Variants in ANO2 observed in about 807,000 individuals in gnomAD.
The protein encoded by ANO2 is anoctamin 2.
Under a neutral mutation model 124.2 loss-of-function variants are expected in ANO2, and 101 were observed. The ratio of observed to expected loss-of-function variants is 0.81; its 90% CI spans 0.69 to 0.96. The LOEUF (loss-of-function observed/expected upper bound fraction) is 0.96. ANO2 is among the 40% of genes least tolerant of loss of function. The pLI, the probability that ANO2 is intolerant of heterozygous loss-of-function variation, is 0.00. For synonymous variants in ANO2, 486 were observed against 482.5 expected (o/e 1.01, Z -0.09); for missense variants, 1,293 against 1,274.5 (o/e 1.01, Z -0.22).
chr12:5,943,580 G>A (rs563543884), intron 1 of ANO2, among the ~76,000 whole-genome samples: 12 of 152,142 alleles, frequency 7.9e-5, no homozygotes, highest in South Asian at 6.2e-4. Flanking sequence ...CGGGTGAGGA[G>A]GCACTAAAAT....
intron 10 of ANO2, among the ~76,000 whole-genome samples, chr12:5,783,032 C>T (rs1226924991): frequency 6.6e-6 from 1 of 152,140 alleles, no homozygotes; most frequent in Admixed American, 6.5e-5. Context: ...GGTGATGACC[C>T]ACAGTTACCT....
chr12:5,865,158 T>C (rs946048143), intron 3 of ANO2, among the ~76,000 whole-genome samples: 1 of 152,186 alleles, frequency 6.6e-6, no homozygotes, highest in African/African-American at 2.4e-5. Context: ...TAAAGAATCT[T>C]TACACTATTT....
Position 5,563,320 on chromosome 12 carries a change from G to T in ANO2, c.2976C>A (p.Gly992=). 6.2e-7 allele frequency: 1 copy of T among 1,601,224 alleles called. No homozygotes were observed. ...QSQLGSMMSS[G]SQHTNV is the part of the protein sequence containing the mutation. ...CTGCTCACACATTGGTGTGCTGAGA[G>T]CCTGACGACATCATGCTGCCCAGCT... The change falls in exon 25 of 25, where the codon GGC becomes GGA. Residue 992 remains glycine (G), a synonymous_variant. Coordinates refer to ENST00000682330, the MANE Select transcript of ANO2 (RefSeq NM_001364791.2).
At chr12:5,740,064 G>C (rs1279838119) in intron 12 of ANO2, 4 of 438,642 alleles carry the variant, frequency 9.1e-6, no homozygotes, top group Middle Eastern at 3.3e-4. Flanking sequence ...CCCACCCACG[G>C]CCCTTTGAAG....
rs1565784641 is a variant in ANO2, at chr12:5,923,267, C to CATGCACACATACACACACGCAT, written c.23-464_23-463insATGCGTGTGTGTATGTGTGCAT. Among the ~76,000 whole-genome samples, 4 of 113,172 alleles carry CATGCACACATACACACACGCAT rather than the reference C, an allele frequency of 3.5e-5. 1 individual carries two copies. Among genetic ancestry groups the CATGCACACATACACACACGCAT allele is most frequent in the African/African-American group, 3.3e-4 (4 of 12,202 alleles). The allele number at this position is 113,172 out of a possible 152,430, so 74.2% of individuals were successfully genotyped here. On this transcript the variant is annotated intron_variant, in intron 1 of 24. Transcript: ENST00000682330. ...ACGCATACACACACATACACACACA[C>CATGCACACATACACACACGCAT]ACACACACACACGCACACACACAGC...
intron 20 of ANO2, among the ~76,000 whole-genome samples, chr12:5,585,453 T>C (rs1039499005): frequency 6.6e-6 from 1 of 152,190 alleles, no homozygotes; most frequent in Non-Finnish European, 1.5e-5. Context: ...AAGGCACATT[T>C]GGCTCCGAGT....
chr12:5,775,363 C>T (rs1007295129), intron 10 of ANO2, among the ~76,000 whole-genome samples: 1 of 151,928 alleles, frequency 6.6e-6, no homozygotes, highest in African/African-American at 2.4e-5. Context: ...CACATATGCC[C>T]GTATGAGTCA....
At chr12:5,919,563 A>G (rs11063915) in intron 3 of ANO2, among the ~76,000 whole-genome samples, 51,441 of 141,184 alleles carry the variant, frequency 0.36, 11,638 homozygotes, top group East Asian at 0.78. Context: ...AGGTGCCCAA[A>G]GCAGAGAGGG....
rs577192646 is a variant in ANO2 at position 5,925,524 on chromosome 12, C to T, written c.23-2720G>A. 2.3e-4 allele frequency among the ~76,000 whole-genome samples: 35 copies of T among 152,252 alleles called. No homozygotes were observed. The highest frequency in any genetic ancestry group is 6.8e-3 in the Middle Eastern group (2 of 294). On this transcript the variant is annotated intron_variant, in intron 1 of 24. Transcript: ENST00000682330. This position sits in a 1 kb window ranked among gnomAD's most constrained non-coding sequence, Gnocchi z 4.6. Reference sequence around the variant, plus strand: ...AAGACACAAGGGAGCCACCTTCAGACGTGAGAGGAAGGCCAAGGGGAACGC... The same window carrying T: ...AAGACACAAGGGAGCCACCTTCAGATGTGAGAGGAAGGCCAAGGGGAACGC...
chr12:5,602,347 C>T (rs1943982770), intron 19 of ANO2, among the ~76,000 whole-genome samples: 2 of 151,864 alleles, frequency 1.3e-5, no homozygotes, highest in South Asian at 4.2e-4. Context: ...GTCTCCCAGG[C>T]TCAAGCTATC....
chr12:5,851,430 GT>G (rs1251402249), intron 4 of ANO2, among the ~76,000 whole-genome samples: 1 of 152,154 alleles, frequency 6.6e-6, no homozygotes, highest in Non-Finnish European at 1.5e-5. Context: ...GCTCACGCTT[GT>G]AATCCCAACA....
intron 10 of ANO2, among the ~76,000 whole-genome samples, chr12:5,794,312 C>A (rs890947933): frequency 6.6e-6 from 1 of 152,034 alleles, no homozygotes; most frequent in African/African-American, 2.4e-5. Flanking sequence ...CCTGCTAATT[C>A]GTGGGGCAGA....
Position 5,734,657 on chromosome 12 carries a change from T to A in ANO2, c.1435-2027A>T, listed in dbSNP as rs185420642. On this transcript the variant is annotated intron_variant, in intron 13 of 24. Transcript: ENST00000682330. ...CCTCATCTTTTTTTTCTTTCTTTTT[T>A]TTTTTTTTGAGACAGAGTCTCACTC... Among the ~76,000 whole-genome samples the A allele has an allele frequency of 9.9e-5, 15 of 152,004 alleles. No homozygotes were observed. In the East Asian group the frequency reaches 1.9e-3, roughly 20 times the overall value.
intron 14 of ANO2, among the ~76,000 whole-genome samples, chr12:5,670,974 G>C (rs1481050487): frequency 6.6e-6 from 1 of 152,166 alleles, no homozygotes; most frequent in Non-Finnish European, 1.5e-5. Flanking sequence ...GCAGAGTCGT[G>C]TCTAGAGCCC....
chr12:5,715,800 T>C (rs939553259), intron 14 of ANO2, among the ~76,000 whole-genome samples: 2 of 152,182 alleles, frequency 1.3e-5, no homozygotes, highest in African/African-American at 4.8e-5. Context: ...CGAATAAAGA[T>C]CTTGAGCTTC....
At chr12:5,730,383 C>A (rs775896604) in intron 14 of ANO2, among the ~76,000 whole-genome samples, 3 of 152,164 alleles carry the variant, frequency 2.0e-5, no homozygotes, top group Non-Finnish European at 4.4e-5. Flanking sequence ...GCTACGTGGT[C>A]TTAAGCAAAT....
chr12:5,819,716 C>T (rs1953723299), intron 7 of ANO2, among the ~76,000 whole-genome samples: 1 of 152,220 alleles, frequency 6.6e-6, no homozygotes, highest in African/African-American at 2.4e-5. Context: ...TTTGTGAGGG[C>T]AGCACCTGCA....
intron 3 of ANO2, among the ~76,000 whole-genome samples, chr12:5,866,920 GAA>G (rs1195148905): frequency 1.3e-5 from 2 of 152,234 alleles, no homozygotes; most frequent in Admixed American, 6.5e-5. Context: ...GCTCAAATTA[GAA>G]ACTTCTTCCC....
At chr12:5,623,273 C>G (rs961392405) in intron 16 of ANO2, among the ~76,000 whole-genome samples, 2 of 151,994 alleles carry the variant, frequency 1.3e-5, no homozygotes, top group Admixed American at 6.6e-5. Flanking sequence ...GATAGGCAAC[C>G]CTCTCTATTA....
Sources: gnomAD v4.1 joint callset for allele counts (sites outside exome capture counted in the v4.1 genomes callset) on GRCh38, gnomAD v4.1.1 for gene constraint, Gnocchi (gnomAD v3.1) non-coding constraint, MANE v1.5 for transcripts, NCBI Gene and HGNC (gene_info 2026-07-23, HGNC 2026-07-21) for gene names.